The following PDGFRA variants were observed in gnomAD, a reference collection of about 807,000 sequenced individuals.
The protein encoded by PDGFRA is platelet derived growth factor receptor alpha.
In PDGFRA, 25 loss-of-function variants were observed where a neutral mutation model predicts 121.5. That is an observed-to-expected ratio of 0.21 (90% CI 0.15 to 0.29). The LOEUF (loss-of-function observed/expected upper bound fraction) is 0.29. Among genes scored for constraint, PDGFRA ranks in the 10% least tolerant of loss-of-function variants. PDGFRA has a pLI of 1.00. For synonymous variants in PDGFRA, 463 were observed against 494.8 expected, an observed-to-expected ratio of 0.94 and a Z score of 0.85; for missense variants, 1,008 against 1,345.1, an observed-to-expected ratio of 0.75 and a Z score of 3.92.
rs1368585743 is a variant in PDGFRA at position 54,298,241 on chromosome 4, A to G, written c.*2969A>G. 5.3e-6 allele frequency: 1 copy of G among 188,182 alleles called. No homozygotes were observed. The highest frequency in any genetic ancestry group is 2.3e-5 in the African/African-American group (1 of 42,820). 11.7% of individuals were successfully genotyped at this position (188,182 alleles called of 1,614,324 possible). Reference sequence around the variant, plus strand: ...TTTCAATAAATGATATATAATTTAAAGTTATACTAAGGTTTCAGCATTTTT... The same window carrying G: ...TTTCAATAAATGATATATAATTTAAGGTTATACTAAGGTTTCAGCATTTTT... On this transcript the variant is annotated 3_prime_UTR_variant, in exon 23 of 23. Coordinates refer to ENST00000257290, the MANE Select transcript of PDGFRA (RefSeq NM_006206.6).
chr4:54,293,319 C>G (rs940372984), intron 22 of PDGFRA, among the ~76,000 whole-genome samples: 2 of 151,916 alleles, frequency 1.3e-5, no homozygotes, highest in African/African-American at 4.8e-5. Context: ...AGATCTTTGG[C>G]AAACATGCTT....
intron 22 of PDGFRA, among the ~76,000 whole-genome samples, chr4:54,293,137 AT>A (rs1577752848): frequency 6.6e-6 from 1 of 152,130 alleles, no homozygotes; most frequent in Non-Finnish European, 1.5e-5. Flanking sequence ...CTATGTCTCT[AT>A]TTTTTGCCCT....
intron 16 of PDGFRA, chr4:54,281,546 C>T (rs1724077124): frequency 7.6e-7 from 1 of 1,319,022 alleles, no homozygotes; most frequent in Non-Finnish European, 1.0e-6. Context: ...CTCTCCCCTC[C>T]CATATTGTTA....
At chr4:54,256,880 G>A (rs2110230496) in intron 1 of PDGFRA, among the ~76,000 whole-genome samples, 1 of 152,184 alleles carries the variant, frequency 6.6e-6, no homozygotes, top group African/African-American at 2.4e-5. Context: ...GCTGAGTGTG[G>A]TGGTGCAGGC....
intron 1 of PDGFRA, among the ~76,000 whole-genome samples, chr4:54,239,441 C>G (rs1167104407): frequency 6.6e-6 from 1 of 152,208 alleles, no homozygotes; most frequent in African/African-American, 2.4e-5. Flanking sequence ...AGCCAAGAAC[C>G]TTTGTGACCT....
intron 16 of PDGFRA, among the ~76,000 whole-genome samples, chr4:54,284,553 T>TGA (rs1446665217): frequency 1.7e-3 from 121 of 72,966 alleles, no homozygotes; most frequent in African/African-American, 5.2e-3. Context: ...CAGGAGCAAG[T>TGA]GAGAGAGAGA....
intron 1 of PDGFRA, among the ~76,000 whole-genome samples, chr4:54,244,755 C>T (rs377119066): frequency 7.9e-5 from 12 of 152,156 alleles, no homozygotes; most frequent in Admixed American, 3.3e-4. Flanking sequence ...AGGCTTCAGA[C>T]GATCAAACTA....
Position 54,278,487 on chromosome 4 carries a change from T to C in PDGFRA, c.2128T>C (p.Leu710=). Residue 710 remains leucine, a synonymous_variant, in exon 15 of 23, where the codon TTG becomes CTG. Coordinates refer to ENST00000257290, the MANE Select transcript of PDGFRA (RefSeq NM_006206.6). ...AAAGAAAGAGCTGGATATCTTTGGA[T>C]TGAACCCTGCTGATGAAAGCACACG... is the stretch of plus-strand genomic sequence containing the variant. ...KPKKELDIFG[L]NPADESTRSY... is the part of the protein sequence containing the mutation. 1.9e-6 allele frequency: 3 copies of C among 1,614,092 alleles called. No individual in the cohort carries two copies. The highest frequency in any genetic ancestry group is 2.5e-6 in the Non-Finnish European group (3 of 1,180,000).
chr4:54,277,745 A>G, intron 13 of PDGFRA, 151 bp from the exon 14 acceptor site: 1 of 706,542 alleles, frequency 1.4e-6, no homozygotes, highest in South Asian at 1.5e-5. Flanking sequence ...ATTAGTTATT[A>G]GCACTGAGGC....
rs769386190 is a variant in PDGFRA at position 54,261,148 on chromosome 4, A to G, written c.103A>G (p.Asn35Asp). The change falls in exon 3 of 23, where the codon AAT becomes GAT. Residue 35 changes from asparagine (N) to aspartate (D), a missense_variant. By Grantham distance (23) the Asn-to-Asp change is conservative. Coordinates refer to ENST00000257290, the MANE Select transcript of PDGFRA (RefSeq NM_006206.6). Reference sequence around the variant, plus strand: ...ATTACCCTCTATCCTTCCAAATGAAAATGAAAAGGTTGTGCAGCTGAATTC... The same window carrying G: ...ATTACCCTCTATCCTTCCAAATGAAGATGAAAAGGTTGTGCAGCTGAATTC... ...LSLPSILPNE[N>D]EKVVQLNSSF... is the part of the protein sequence containing the mutation. 6.8e-6 allele frequency: 11 copies of G among 1,614,198 alleles called. No homozygotes were observed. The highest frequency in any genetic ancestry group is 9.3e-6 in the Non-Finnish European group (11 of 1,180,032).
Position 54,295,955 on chromosome 4 carries a change from C to G in PDGFRA, c.*683C>G, listed in dbSNP as rs1432429375. On this transcript the variant is annotated 3_prime_UTR_variant, in exon 23 of 23. Transcript: ENST00000257290. Reference sequence around the variant, plus strand: ...AATACTACTACTGTTATCAGTAATGCTAAATGTGTAATAATGTAACATGAT... The same window carrying G: ...AATACTACTACTGTTATCAGTAATGGTAAATGTGTAATAATGTAACATGAT... The G allele has an allele frequency of 8.6e-6, 2 of 232,782 alleles. No homozygotes were observed. The highest frequency in any genetic ancestry group is 8.5e-6 in the Non-Finnish European group (1 of 117,750). 14.4% of individuals were successfully genotyped at this position (232,782 alleles called of 1,614,324 possible). A position where few individuals can be genotyped will look rare whatever the true frequency, so the allele number is the denominator to read the frequency against.
rs1427951828 is a variant in PDGFRA, at chr4:54,285,377, A to T, written c.2330A>T (p.Glu777Val). The T allele has an allele frequency of 7.4e-7, 1 of 1,344,820 alleles. No individual in the cohort carries two copies. Among genetic ancestry groups the T allele is most frequent in the Non-Finnish European group, 1.1e-6 (1 of 933,912 alleles). 83.3% of individuals were successfully genotyped at this position (1,344,820 alleles called of 1,614,324 possible). Residue 777 changes from glutamate to valine, a missense_variant, in exon 17 of 23, where the codon GAA (glutamate) becomes GTA (valine). By Grantham distance (121) the Glu-to-Val change is moderately radical. Coordinates refer to ENST00000257290, the MANE Select transcript of PDGFRA (RefSeq NM_006206.6). ...TTTAATTTCTTTTCTGCAGACTCAG[A>T]AGTCAAAAACCTCCTTTCAGATGAT... ...SYKKKSMLDS[E>V]VKNLLSDDNS...
At chr4:54,259,513 A>G (rs148037111) in intron 2 of PDGFRA, among the ~76,000 whole-genome samples, 207 of 152,330 alleles carry the variant, frequency 1.4e-3, no homozygotes, top group Admixed American at 2.0e-3. Context: ...CAAAAGGATC[A>G]TTGGGGTAAT....
Position 54,297,841 on chromosome 4 carries a change from A to C in PDGFRA, c.*2569A>C, listed in dbSNP as rs1724952111. On this transcript the variant is annotated 3_prime_UTR_variant, in exon 23 of 23. Coordinates refer to ENST00000257290, the MANE Select transcript of PDGFRA (RefSeq NM_006206.6). Reference sequence around the variant, plus strand: ...TGATGTCCTTAAAATGTGGTCTGCCAATCTGTACAAAATGGTCCTATTTTT... The same window carrying C: ...TGATGTCCTTAAAATGTGGTCTGCCCATCTGTACAAAATGGTCCTATTTTT... 4.3e-6 allele frequency: 1 copy of C among 233,536 alleles called. No homozygotes were observed. The highest frequency in any genetic ancestry group is 8.5e-6 in the Non-Finnish European group (1 of 118,026). The allele number at this position is 233,536 out of a possible 1,614,324, so 14.5% of individuals were successfully genotyped here.
intron 1 of PDGFRA, among the ~76,000 whole-genome samples, chr4:54,241,926 T>G (rs1359463091): frequency 1.3e-5 from 2 of 152,218 alleles, no homozygotes; most frequent in African/African-American, 4.8e-5. Context: ...CAAGTATTGG[T>G]TTGCTTTCAG....
intron 1 of PDGFRA, chr4:54,240,139 C>T (rs781150513): frequency 2.0e-4 from 57 of 285,222 alleles, no homozygotes; most frequent in Non-Finnish European, 4.0e-4. Flanking sequence ...AGGTGTGAGC[C>T]ACTGCACCTG....
At chr4:54,283,092 C>T (rs1285334317) in intron 16 of PDGFRA, among the ~76,000 whole-genome samples, 1 of 152,148 alleles carries the variant, frequency 6.6e-6, no homozygotes, top group African/African-American at 2.4e-5. Flanking sequence ...GTGCAGAGTG[C>T]AGGCTGTTGG....
chr4:54,280,729 T>A, intron 16 of PDGFRA: 1 of 342,790 alleles, frequency 2.9e-6, no homozygotes, highest in South Asian at 5.6e-5. Flanking sequence ...TTAAAGAATT[T>A]TCTTGGTGTG....
chr4:54,233,902 C>T (rs1339587434), intron 1 of PDGFRA, among the ~76,000 whole-genome samples: 3 of 152,224 alleles, frequency 2.0e-5, no homozygotes, highest in South Asian at 2.1e-4. Flanking sequence ...AGCTGCGCGG[C>T]CGTCGCGGCC....
Sources: gnomAD v4.1 joint callset for allele counts (sites outside exome capture counted in the v4.1 genomes callset) on GRCh38, gnomAD v4.1.1 for gene constraint, MANE v1.5 for transcripts, NCBI Gene and HGNC (gene_info 2026-07-23, HGNC 2026-07-21) for gene names.